Variants in TMEM72 observed in about 807,000 individuals in gnomAD.
TMEM72 encodes the protein transmembrane protein 72.
In TMEM72, 9 loss-of-function variants were observed where a neutral mutation model predicts 16.3. The observed-to-expected ratio is 0.55, with a 90% CI of 0.33 to 0.96. TMEM72 has a LOEUF of 0.96. Among genes scored for constraint, TMEM72 ranks in the 40% least tolerant of loss-of-function variants. The pLI, the probability that TMEM72 is intolerant of heterozygous loss-of-function variation, is 0.03. For synonymous variants in TMEM72, 160 were observed against 146.5 expected (o/e 1.09, Z -0.66); for missense variants, 324 against 337.8 (o/e 0.96, Z 0.32).
At position 44,935,092 on chromosome 10, in the gene TMEM72, C is replaced by A; in HGVS notation, c.786C>A (p.Ala262=). ...DTTPIIPPPQ[A]PLFLSSLTAT... ...CACCCATCATTCCCCCTCCCCAGGCCCCACTCTTCCTGTCATCTCTTACAG... is the reference window on the plus strand; with the variant it reads ...CACCCATCATTCCCCCTCCCCAGGCACCACTCTTCCTGTCATCTCTTACAG... The change falls in exon 5 of 5, where the codon GCC becomes GCA. Residue 262 remains alanine, a synonymous_variant. Coordinates refer to ENST00000389583, the MANE Select transcript of TMEM72 (RefSeq NM_001123376.3). 2 of 1,609,234 alleles carry A rather than the reference C, an allele frequency of 1.2e-6. No homozygotes were observed. Among genetic ancestry groups the A allele is most frequent in the South Asian group, 1.1e-5 (1 of 90,416 alleles).
At position 44,932,908 on chromosome 10, in the gene TMEM72, C is replaced by T. The variant is rs138149641; in HGVS notation, c.210-729C>T. 8.9e-4 allele frequency among the ~76,000 whole-genome samples: 135 copies of T among 152,328 alleles called. 1 individual carries two copies. Among genetic ancestry groups the T allele is most frequent in the African/African-American group, 3.1e-3 (128 of 41,586 alleles). ...CAGTGAGCCATGGCAGTCCAGCCTG[C>T]GAGCATAAGAGAGCAGTGCTTTGGG... On this transcript the variant is annotated intron_variant, in intron 3 of 4. Coordinates refer to ENST00000389583, the MANE Select transcript of TMEM72 (RefSeq NM_001123376.3).
chr10:44,923,028 C>T (rs1840126881), intron 1 of TMEM72: 1 of 152,266 alleles, frequency 6.6e-6, no homozygotes, highest in Non-Finnish European at 1.5e-5. Flanking sequence ...TTTGATTATA[C>T]TCAAAACTTT....
intron 3 of TMEM72, among the ~76,000 whole-genome samples, chr10:44,932,391 G>A (rs1458397270): frequency 2.6e-5 from 4 of 152,226 alleles, no homozygotes; most frequent in African/African-American, 7.2e-5. Flanking sequence ...TGAGCCATCT[G>A]CCATGGGGTG....
At position 44,934,759 on chromosome 10, in the gene TMEM72, C is replaced by A; in HGVS notation, c.453C>A (p.Asp151Glu). Residue 151 changes from aspartate (D) to glutamate (E), a missense_variant, in exon 5 of 5, where the codon GAC (aspartate) becomes GAA (glutamate). Coordinates refer to ENST00000389583, the MANE Select transcript of TMEM72 (RefSeq NM_001123376.3). ...EVLASPEQYT[D>E]PSSSAVSTTG... The stretch of plus-strand genomic sequence containing the variant: ...TGGCCTCCCCAGAGCAGTACACAGA[C>A]CCCTCTAGCAGCGCTGTGAGCACCA... 1.9e-6 allele frequency: 3 copies of A among 1,613,596 alleles called. No individual in the cohort carries two copies. The highest frequency in any genetic ancestry group is 2.5e-6 in the Non-Finnish European group (3 of 1,179,988).
intron 2 of TMEM72, among the ~76,000 whole-genome samples, chr10:44,928,315 CATCT>C (rs1263220594): frequency 1.3e-5 from 2 of 151,782 alleles, no homozygotes; most frequent in Non-Finnish European, 2.9e-5. Context: ...TCCACTCATC[CATCT>C]ATCCATCTAT....
Position 44,929,467 on chromosome 10 carries a change from C to G in TMEM72, c.137+1480C>G, listed in dbSNP as rs914697. ...ACCAGGCTGTGACCTCCACTCCCCC[C>G]CCTCCTCAGGATCCACCTCTACCTT... On this transcript the variant is annotated intron_variant, in intron 2 of 4. Coordinates refer to ENST00000389583, the MANE Select transcript of TMEM72 (RefSeq NM_001123376.3). Among the ~76,000 whole-genome samples, 83 of 152,368 alleles carry G rather than the reference C, an allele frequency of 5.4e-4. 2 individuals carry two copies. The highest frequency in any genetic ancestry group is 1.5e-3 in the African/African-American group (62 of 41,588).
chr10:44,916,319 C>A (rs188825229), intron 1 of TMEM72, among the ~76,000 whole-genome samples: 1 of 152,272 alleles, frequency 6.6e-6, no homozygotes, highest in Admixed American at 6.5e-5. Context: ...AGGTTTTGAC[C>A]CATTAACCTG....
rs114087403 is a variant in TMEM72, at chr10:44,916,687, G to A, written c.70+5105G>A. Among the ~76,000 whole-genome samples the A allele has an allele frequency of 8.4e-3, 1,277 of 152,220 alleles. 20 individuals carry two copies. Among genetic ancestry groups the A allele is most frequent in the African/African-American group, 0.03 (1,226 of 41,476 alleles). ...CATTGTATTTTCAGACCTTCCAAGT[G>A]AATGTTGACTGTTTTCCTTTTCTGT... On this transcript the variant is annotated intron_variant, in intron 1 of 4. Transcript: ENST00000389583.
rs1839935815 is a variant in TMEM72 at position 44,911,452 on chromosome 10, A to G, written c.-61A>G. 1 of 1,520,940 alleles carries G rather than the reference A, an allele frequency of 6.6e-7. No individual in the cohort carries two copies. The highest frequency in any genetic ancestry group is 1.4e-5 in the African/African-American group (1 of 72,590). The allele number at this position is 1,520,940 out of a possible 1,614,324, so 94.2% of individuals were successfully genotyped here. A position where few individuals can be genotyped will look rare whatever the true frequency, so the allele number is the denominator to read the frequency against. ...TACCTACACAAGGGTGTTCGGGAGC[A>G]TCTCAGGGCCGAAGACTTTGCTGCC... On this transcript the variant is annotated 5_prime_UTR_variant, in exon 1 of 5. Coordinates refer to ENST00000389583, the MANE Select transcript of TMEM72 (RefSeq NM_001123376.3).
intron 1 of TMEM72, among the ~76,000 whole-genome samples, chr10:44,917,795 C>T (rs1426209759): frequency 2.0e-5 from 3 of 152,080 alleles, no homozygotes; most frequent in African/African-American, 7.2e-5. Flanking sequence ...GGAAACCTGC[C>T]ATGTGGATGA....
intron 1 of TMEM72, among the ~76,000 whole-genome samples, chr10:44,915,555 G>T (rs952333534): frequency 6.6e-6 from 1 of 152,086 alleles, no homozygotes; most frequent in Non-Finnish European, 1.5e-5. Context: ...GGATTAAAAA[G>T]CATGTCCCAT....
chr10:44,915,875 G>GT (rs1840006326), intron 1 of TMEM72, among the ~76,000 whole-genome samples: 1 of 152,050 alleles, frequency 6.6e-6, no homozygotes, highest in African/African-American at 2.4e-5. Flanking sequence ...CCCATCTGGG[G>GT]ACAGACAAAT....
At chr10:44,918,857 C>T (rs752633272) in intron 1 of TMEM72, among the ~76,000 whole-genome samples, 6 of 151,984 alleles carry the variant, frequency 3.9e-5, no homozygotes, top group African/African-American at 1.2e-4. Context: ...ATACAATGTG[C>T]GGTAACAGTG....
chr10:44,925,357 C>T (rs1246940085), intron 1 of TMEM72, among the ~76,000 whole-genome samples: 1 of 152,250 alleles, frequency 6.6e-6, no homozygotes, highest in Non-Finnish European at 1.5e-5. Flanking sequence ...AAGACCCTTT[C>T]CTGCCATCTG....
intron 3 of TMEM72, among the ~76,000 whole-genome samples, chr10:44,932,926 G>A (rs1487978689): frequency 6.6e-6 from 1 of 152,156 alleles, no homozygotes; most frequent in Non-Finnish European, 1.5e-5. Context: ...AGAGAGCAGT[G>A]CTTTGGGCCA....
chr10:44,919,036 T>C lies in TMEM72; in HGVS notation c.70+7454T>C, dbSNP rs202023593. On this transcript the variant is annotated intron_variant, in intron 1 of 4. Coordinates refer to ENST00000389583, the MANE Select transcript of TMEM72 (RefSeq NM_001123376.3). ...AGCCGAAATGGACTAAGACATCATA[T>C]TTAAAAACTAAAAAAGAAAAACCAT... 4.6e-5 allele frequency among the ~76,000 whole-genome samples: 7 copies of C among 152,290 alleles called. No individual in the cohort carries two copies. The East Asian group carries it at 1.3e-3, about 29-fold the overall frequency.
chr10:44,913,533 A>G (rs1375521727), intron 1 of TMEM72, among the ~76,000 whole-genome samples: 1 of 152,146 alleles, frequency 6.6e-6, no homozygotes, highest in Admixed American at 6.5e-5. Context: ...ATCTCCGCAC[A>G]GGGACTGCTG....
intron 4 of TMEM72, among the ~76,000 whole-genome samples, chr10:44,934,366 C>G (rs765870247): frequency 5.3e-5 from 8 of 152,212 alleles, no homozygotes; most frequent in East Asian, 1.9e-4. Context: ...TGTGCCCCCT[C>G]CTCATGAACC....
At chr10:44,931,200 T>C (rs563876871) in intron 2 of TMEM72, among the ~76,000 whole-genome samples, 1 of 152,330 alleles carries the variant, frequency 6.6e-6, no homozygotes, top group East Asian at 1.9e-4. Flanking sequence ...TGGCACCTGA[T>C]AGCTTCTTGT....
Sources: gnomAD v4.1 joint callset for allele counts (sites outside exome capture counted in the v4.1 genomes callset) on GRCh38, gnomAD v4.1.1 for gene constraint, MANE v1.5 for transcripts, NCBI Gene and HGNC (gene_info 2026-07-23, HGNC 2026-07-21) for gene names.